Variants in FAM83G observed in about 807,000 individuals in gnomAD.
FAM83G encodes protein FAM83G.
In FAM83G, 38 loss-of-function variants were observed where a neutral mutation model predicts 61.5. That is an observed-to-expected ratio of 0.62 (90% CI 0.48 to 0.81). The LOEUF (loss-of-function observed/expected upper bound fraction) is 0.81, where lower values mean the gene tolerates loss of function less well. Ranked by LOEUF, FAM83G falls within the 30% of genes least tolerant of loss-of-function variation. FAM83G has a pLI of 0.00. For synonymous variants in FAM83G, 470 were observed against 476.1 expected (o/e 0.99, Z 0.17); for missense variants, 989 against 1,133.6 (o/e 0.87, Z 1.83).
At chr17:18,992,135 C>A (rs1002645247) in intron 2 of FAM83G, among the ~76,000 whole-genome samples, 2 of 152,178 alleles carry the variant, frequency 1.3e-5, no homozygotes, top group African/African-American at 2.4e-5. Context: ...TCCATATGCA[C>A]AAGCCCTCCA....
At chr17:18,990,685 G>C (rs2043395809) in intron 2 of FAM83G, among the ~76,000 whole-genome samples, 1 of 152,220 alleles carries the variant, frequency 6.6e-6, no homozygotes. Context: ...ACTCCAAAAT[G>C]GATCCCCCCA....
chr17:18,982,485 C>T (rs967467001), intron 3 of FAM83G, among the ~76,000 whole-genome samples: 4 of 152,204 alleles, frequency 2.6e-5, no homozygotes, highest in African/African-American at 9.6e-5. Context: ...TGGAGGGATG[C>T]CGGGGCTGGC....
At chr17:18,992,241 A>G (rs1761297312) in intron 2 of FAM83G, among the ~76,000 whole-genome samples, 1 of 152,036 alleles carries the variant, frequency 6.6e-6, no homozygotes, top group Non-Finnish European at 1.5e-5. Flanking sequence ...TGTGTCTCGA[A>G]TCCCCCACCT....
At chr17:18,995,713 G>T (rs2043550120) in intron 2 of FAM83G, among the ~76,000 whole-genome samples, 1 of 152,082 alleles carries the variant, frequency 6.6e-6, no homozygotes, top group South Asian at 2.1e-4. Context: ...TTGGAGACCA[G>T]CCTGGCCAAC....
intron 5 of FAM83G, among the ~76,000 whole-genome samples, chr17:18,974,823 C>T (rs1452144238): frequency 6.6e-6 from 1 of 152,174 alleles, no homozygotes; most frequent in Non-Finnish European, 1.5e-5. Context: ...GAGTGAGTGC[C>T]GGCTTCCTCA....
At chr17:18,976,235 G>C (rs2042977859) in intron 5 of FAM83G, 1 of 151,522 alleles carries the variant, frequency 6.6e-6, no homozygotes, top group Non-Finnish European at 1.5e-5. Context: ...TCAGTGCTGG[G>C]AGAGATCTCA....
chr17:18,988,534 T>C, intron 2 of FAM83G, 120 bp from the exon 3 acceptor site: 1 of 1,496,002 alleles, frequency 6.7e-7, no homozygotes, highest in Non-Finnish European at 9.0e-7. Context: ...ACTCTGGCCC[T>C]ACTCCTGGAG....
At chr17:18,979,037 C>T in intron 4 of FAM83G, 187 bp from the exon 5 acceptor site, 1 of 649,884 alleles carries the variant, frequency 1.5e-6, no homozygotes. Flanking sequence ...AAGTTGGTTG[C>T]ACCAAGCCCA....
Position 19,003,372 on chromosome 17 carries a change from A to G in FAM83G, c.522+148T>C. 1.2e-6 allele frequency: 1 copy of G among 836,336 alleles called. No homozygotes were observed. Among genetic ancestry groups the G allele is most frequent in the African/African-American group, 1.8e-5 (1 of 55,870 alleles). The allele number at this position is 836,336 out of a possible 1,614,324, so 51.8% of individuals were successfully genotyped here. A position where few individuals can be genotyped will look rare whatever the true frequency, so the allele number is the denominator to read the frequency against. On this transcript the variant is annotated intron_variant, in intron 2 of 5. Transcript: ENST00000388995. This position sits in a 1 kb window ranked among gnomAD's most constrained non-coding sequence, Gnocchi z 4.5. ...GGATCCCCACGAAGGTGGGGAGGAAACCTCCACCCAAGAGGCAGCCAGGGA... is the reference window on the plus strand; with the variant it reads ...GGATCCCCACGAAGGTGGGGAGGAAGCCTCCACCCAAGAGGCAGCCAGGGA...
At position 18,977,858 on chromosome 17, in the gene FAM83G, C is replaced by T. The variant is rs771971752; in HGVS notation, c.1808G>A (p.Gly603Asp). The T allele has an allele frequency of 1.2e-6, 2 of 1,610,906 alleles. No homozygotes were observed. Among genetic ancestry groups the T allele is most frequent in the Admixed American group, 1.7e-5 (1 of 59,946 alleles). The change falls in exon 5 of 6, where the codon GGC (glycine) becomes GAC (aspartate). Residue 603 changes from glycine to aspartate, a missense_variant. Physicochemically the swap from Gly to Asp is moderately conservative, Grantham distance 94 (BLOSUM62 -1). Coordinates refer to ENST00000388995, the MANE Select transcript of FAM83G (RefSeq NM_001039999.3). The stretch of plus-strand genomic sequence containing the variant: ...CACTGAGGGCCGTCGGGGGCCAGGG[C>T]CACGGCCGGAGCTGCCTGAGTGGCT... ...QDSHSGSSGR[G>D]PGPRRPSVAS...
chr17:18,986,970 G>A (rs965336589), intron 3 of FAM83G, among the ~76,000 whole-genome samples: 3 of 152,198 alleles, frequency 2.0e-5, no homozygotes, highest in Non-Finnish European at 4.4e-5. Flanking sequence ...GGGGCTTGGG[G>A]CCAACCCACC....
intron 5 of FAM83G, among the ~76,000 whole-genome samples, chr17:18,974,825 G>A (rs568130647): frequency 6.6e-6 from 1 of 152,224 alleles, no homozygotes; most frequent in African/African-American, 2.4e-5. Context: ...GTGAGTGCCG[G>A]CTTCCTCAGG....
intron 2 of FAM83G, among the ~76,000 whole-genome samples, chr17:18,991,762 A>G (rs1051266281): frequency 2.6e-5 from 4 of 152,176 alleles, no homozygotes; most frequent in African/African-American, 9.7e-5. Context: ...TGCGCAGGCC[A>G]CACAGCCCAG....
intron 5 of FAM83G, among the ~76,000 whole-genome samples, chr17:18,973,306 C>A (rs1250013801): frequency 6.6e-6 from 1 of 152,210 alleles, no homozygotes; most frequent in Non-Finnish European, 1.5e-5. Flanking sequence ...CATGTCCTGG[C>A]CTTGGGGTCA....
intron 2 of FAM83G, among the ~76,000 whole-genome samples, chr17:18,993,165 A>G (rs896284118): frequency 1.4e-4 from 21 of 152,110 alleles, no homozygotes; most frequent in Middle Eastern, 3.4e-3. Flanking sequence ...AAACCAACGC[A>G]TCCTGACCCC....
At chr17:18,981,133 G>T (rs2043121408) in intron 3 of FAM83G, among the ~76,000 whole-genome samples, 1 of 152,234 alleles carries the variant, frequency 6.6e-6, no homozygotes, top group African/African-American at 2.4e-5. Flanking sequence ...GTGAAGGGGA[G>T]GCTGAGGGGG....
intron 2 of FAM83G, among the ~76,000 whole-genome samples, chr17:18,989,125 C>T (rs1331541560): frequency 6.6e-6 from 1 of 152,242 alleles, no homozygotes. Context: ...CAGCCGCCTA[C>T]ACTGCTGATG....
At chr17:18,973,146 A>G (rs1277145220) in intron 5 of FAM83G, among the ~76,000 whole-genome samples, 2 of 152,236 alleles carry the variant, frequency 1.3e-5, no homozygotes, top group East Asian at 3.9e-4. Context: ...TGGAGGGCAC[A>G]GTAGGCAAGT....
At chr17:18,994,037 A>G (rs939905219) in intron 2 of FAM83G, among the ~76,000 whole-genome samples, 9 of 151,852 alleles carry the variant, frequency 5.9e-5, no homozygotes, top group African/African-American at 1.9e-4. Flanking sequence ...GCGTCTCACT[A>G]CCCTCCGGGC....
Sources: allele counts gnomAD v4.1 joint callset (sites outside exome capture counted in the v4.1 genomes callset), GRCh38; gene constraint gnomAD v4.1.1; non-coding constraint Gnocchi (gnomAD v3.1); transcripts MANE v1.5; gene names NCBI Gene and HGNC (gene_info 2026-07-23, HGNC 2026-07-21).